The following WNT3 variants were observed in gnomAD, a reference collection of about 807,000 sequenced individuals.
WNT3 encodes proto-oncogene Wnt-3.
In WNT3, 7 loss-of-function variants were observed where a neutral mutation model predicts 34.2. That is an observed-to-expected ratio of 0.20 (90% CI 0.12 to 0.38). The LOEUF (loss-of-function observed/expected upper bound fraction) is 0.38, where lower values mean the gene tolerates loss of function less well. Ranked by LOEUF, WNT3 falls within the 10% of genes least tolerant of loss-of-function variation. The pLI, the probability that WNT3 is intolerant of heterozygous loss-of-function variation, is 1.00. For missense variants in WNT3, 267 were observed against 499.8 expected, an observed-to-expected ratio of 0.53 and a Z score of 4.44; for synonymous variants, 212 against 211.5, an observed-to-expected ratio of 1.00 and a Z score of -0.02.
intron 1 of WNT3, among the ~76,000 whole-genome samples, chr17:46,814,884 C>T (rs1017340134): frequency 2.6e-5 from 4 of 152,176 alleles, no homozygotes; most frequent in South Asian, 4.1e-4. Flanking sequence ...GGCAGGTGCT[C>T]GAGTGGGAGG....
intron 1 of WNT3, among the ~76,000 whole-genome samples, chr17:46,802,987 G>A (rs4968241): frequency 0.31 from 47,393 of 152,050 alleles, 7,905 homozygotes; most frequent in East Asian, 0.54. Flanking sequence ...AGCAGCCTGG[G>A]GCTTGGGATT....
At chr17:46,767,696 A>C (rs888709566) in intron 4 of WNT3, among the ~76,000 whole-genome samples, 2 of 152,208 alleles carry the variant, frequency 1.3e-5, no homozygotes, top group African/African-American at 4.8e-5. Flanking sequence ...CTATGCAAAA[A>C]TTTGATCTGG....
chr17:46,785,140 G>T (rs960493583), intron 1 of WNT3, among the ~76,000 whole-genome samples: 1 of 152,160 alleles, frequency 6.6e-6, no homozygotes, highest in Admixed American at 6.5e-5. Context: ...TTCCCTTGGG[G>T]ACCCCTCTCT....
Position 46,818,691 on chromosome 17 carries a change from A to C in WNT3, c.-94T>G. The stretch of plus-strand genomic sequence containing the variant: ...GAACAAAGTCCACTTGAGATTGGAA[A>C]TGACTTTCGGGCTTGTCAGAAGCGC... On this transcript the variant is annotated 5_prime_UTR_variant, in exon 1 of 5. Coordinates refer to ENST00000225512, the MANE Select transcript of WNT3 (RefSeq NM_030753.5). 2 of 1,258,954 alleles carry C rather than the reference A, an allele frequency of 1.6e-6. No homozygotes were observed. The highest frequency in any genetic ancestry group is 2.3e-6 in the Non-Finnish European group (2 of 880,982). 78.0% of individuals were successfully genotyped at this position (1,258,954 alleles called of 1,614,324 possible).
intron 1 of WNT3, among the ~76,000 whole-genome samples, chr17:46,799,755 G>A (rs1300884985): frequency 6.6e-6 from 1 of 152,128 alleles, no homozygotes; most frequent in Non-Finnish European, 1.5e-5. Context: ...GCCAGTTTCT[G>A]TCTGTTATTT....
At chr17:46,785,495 G>A (rs964061213) in intron 1 of WNT3, among the ~76,000 whole-genome samples, 2 of 152,208 alleles carry the variant, frequency 1.3e-5, no homozygotes, top group African/African-American at 2.4e-5. Context: ...AGGAGCCCCC[G>A]AGGACAGGCC....
At chr17:46,817,117 C>T (rs1246509371) in intron 1 of WNT3, among the ~76,000 whole-genome samples, 1 of 152,182 alleles carries the variant, frequency 6.6e-6, no homozygotes, top group African/African-American at 2.4e-5. Flanking sequence ...TTGGCCATGT[C>T]CCCACCCTCT....
At chr17:46,775,086 G>A (rs765649694) in intron 1 of WNT3, among the ~76,000 whole-genome samples, 7 of 152,210 alleles carry the variant, frequency 4.6e-5, no homozygotes, top group Non-Finnish European at 1.0e-4. Flanking sequence ...GAGGTTTTTT[G>A]TGTGCTTTTT....
At chr17:46,767,720 T>C (rs2059326041) in intron 4 of WNT3, among the ~76,000 whole-genome samples, 1 of 152,178 alleles carries the variant, frequency 6.6e-6, no homozygotes, top group Non-Finnish European at 1.5e-5. Context: ...ATAACTAACT[T>C]GTGTAAAAAT....
chr17:46,800,171 C>T (rs746210829), intron 1 of WNT3, among the ~76,000 whole-genome samples: 7 of 152,078 alleles, frequency 4.6e-5, no homozygotes, highest in South Asian at 4.2e-4. Flanking sequence ...AGTGCAGTGG[C>T]GCGATCTCGG....
At chr17:46,786,204 G>A (rs1189602524) in intron 1 of WNT3, among the ~76,000 whole-genome samples, 1 of 152,106 alleles carries the variant, frequency 6.6e-6, no homozygotes, top group African/African-American at 2.4e-5. Flanking sequence ...GAGGAGGAAA[G>A]AGAGTGGAAA....
At chr17:46,778,954 C>A (rs2059434310) in intron 1 of WNT3, among the ~76,000 whole-genome samples, 1 of 152,096 alleles carries the variant, frequency 6.6e-6, no homozygotes, top group African/African-American at 2.4e-5. Context: ...AAGTGCTGAA[C>A]TGATTTGTTT....
At chr17:46,778,901 C>T (rs983470172) in intron 1 of WNT3, among the ~76,000 whole-genome samples, 2 of 152,146 alleles carry the variant, frequency 1.3e-5, no homozygotes, top group Non-Finnish European at 2.9e-5. Context: ...ACCTCTCCTC[C>T]GCCTGAATCT....
intron 1 of WNT3, 84 bp from the exon 2 acceptor site, chr17:46,773,993 C>A: frequency 6.5e-7 from 1 of 1,541,238 alleles, no homozygotes; most frequent in South Asian, 1.2e-5. Flanking sequence ...GTGAACCCTC[C>A]GGGGTAGGTG....
intron 4 of WNT3, among the ~76,000 whole-genome samples, chr17:46,766,899 G>A (rs1285805702): frequency 6.6e-6 from 1 of 152,120 alleles, no homozygotes; most frequent in African/African-American, 2.4e-5. Context: ...CCCTGTCCTC[G>A]GTGTCCTTTC....
chr17:46,773,531 C>T (rs909587365), intron 2 of WNT3, 137 bp downstream of exon 2: 9 of 1,020,428 alleles, frequency 8.8e-6, no homozygotes, highest in Non-Finnish European at 1.3e-5. Flanking sequence ...GTGTGGCAGT[C>T]ATGCAACCAA....
intron 1 of WNT3, among the ~76,000 whole-genome samples, chr17:46,813,090 G>A (rs1598800898): frequency 6.6e-6 from 1 of 152,090 alleles, no homozygotes; most frequent in East Asian, 1.9e-4. Context: ...TGGCTTGGCA[G>A]GAGTGGGGCA....
In WNT3 at chr17:46,808,329, C is replaced by T. The variant is rs544707970; in HGVS notation, c.80+10189G>A. ...GACACATCCCCAAATAAGAGACTTC[C>T]CAGACGTTCACAAATAGTATCTATA... On this transcript the variant is annotated intron_variant, in intron 1 of 4. Transcript: ENST00000225512. 9.2e-5 allele frequency among the ~76,000 whole-genome samples: 14 copies of T among 152,342 alleles called. No individual in the cohort carries two copies. In the South Asian group the frequency reaches 2.7e-3, roughly 29 times the overall value.
intron 1 of WNT3, among the ~76,000 whole-genome samples, chr17:46,782,458 T>C (rs930451101): frequency 6.6e-6 from 1 of 152,188 alleles, no homozygotes; most frequent in Non-Finnish European, 1.5e-5. Flanking sequence ...CCCAACTTGT[T>C]CCTGGGCCCA....
Sources: allele counts gnomAD v4.1 joint callset (sites outside exome capture counted in the v4.1 genomes callset), GRCh38; gene constraint gnomAD v4.1.1; transcripts MANE v1.5; gene names NCBI Gene and HGNC (gene_info 2026-07-23, HGNC 2026-07-21).